Variants in UBR4 observed in about 807,000 individuals in gnomAD.
UBR4 encodes ubiquitin protein ligase E3 component n-recognin 4.
UBR4 carries 124 observed loss-of-function variants against 575.6 expected under a neutral mutation model. The ratio of observed to expected loss-of-function variants is 0.22; its 90% CI spans 0.19 to 0.25. UBR4 has a LOEUF of 0.25. UBR4 is among the 10% of genes least tolerant of loss of function. The probability of loss-of-function intolerance (pLI) is 1.00; values close to 1 mark genes in which losing one functional copy is unlikely to be tolerated. For missense variants in UBR4, 4,818 were observed against 6,478.8 expected (o/e 0.74, Z 8.80); for synonymous variants, 2,455 against 2,473.7 (o/e 0.99, Z 0.22).
rs369560600 is a variant in UBR4 at position 19,169,536 on chromosome 1, G to T, written c.3644-4C>A. On this transcript the variant is annotated splice_region_variant and splice_polypyrimidine_tract_variant and intron_variant, in intron 26 of 105. Coordinates refer to ENST00000375254, the MANE Select transcript of UBR4 (RefSeq NM_020765.3). ...AAATTCTGAACCAGTGTCGGACCTG[G>T]AGGCGACAGAAAGGACAAGGAATCA... The T allele has an allele frequency of 1.6e-5, 25 of 1,611,934 alleles. No individual in the cohort carries two copies. In the African/African-American group the frequency reaches 3.1e-4, roughly 20 times the overall value.
rs760075239 is a variant in UBR4 at position 19,086,131 on chromosome 1, T to C, written c.14813+14A>G. The C allele has an allele frequency of 6.2e-6, 10 of 1,613,100 alleles. No individual in the cohort carries two copies. The Middle Eastern group carries it at 8.2e-4, about 133-fold the overall frequency. The stretch of plus-strand genomic sequence containing the variant: ...ATCCCCTCCATTCCACCATGAAAAA[T>C]ACTCAACACTCACCTTGCCAAGCAA... On this transcript the variant is annotated intron_variant, in intron 101 of 105. Transcript: ENST00000375254.
intron 92 of UBR4, among the ~76,000 whole-genome samples, chr1:19,096,243 C>T (rs2078028481): frequency 6.6e-6 from 1 of 152,090 alleles, no homozygotes; most frequent in African/African-American, 2.4e-5. Flanking sequence ...TTAAAAACAA[C>T]AACAATGATA....
At chr1:19,165,496 C>T (rs2088190060) in intron 30 of UBR4, 147 bp from the exon 31 acceptor site, 1 of 1,043,888 alleles carries the variant, frequency 9.6e-7, no homozygotes, top group African/African-American at 1.6e-5. Flanking sequence ...AACCCCCTCA[C>T]CAACAACCCC....
Position 19,172,893 on chromosome 1 carries a change from T to C in UBR4, c.3492A>G (p.Gln1164=). 3.1e-6 allele frequency: 5 copies of C among 1,614,074 alleles called. No individual in the cohort carries two copies. The Admixed American group carries it at 5.0e-5, about 16-fold the overall frequency. ...ITKNLLPATL[Q]LIDTYASFTR... Reference sequence around the variant, plus strand: ...TGAACGATGCATAGGTGTCAATGAGTTGCAGCGTGGCTGGAAGTAGGTTCT... The same window carrying C: ...TGAACGATGCATAGGTGTCAATGAGCTGCAGCGTGGCTGGAAGTAGGTTCT... The change falls in exon 25 of 106, where the codon CAA becomes CAG. Residue 1164 remains glutamine, a synonymous_variant. Coordinates refer to ENST00000375254, the MANE Select transcript of UBR4 (RefSeq NM_020765.3).
chr1:19,163,997 G>A (rs555720333), intron 33 of UBR4, among the ~76,000 whole-genome samples, 170 bp from the exon 34 acceptor site: 23 of 152,220 alleles, frequency 1.5e-4, no homozygotes, highest in African/African-American at 4.6e-4. Flanking sequence ...GGGTGCTCTG[G>A]CCTTAGAATT....
chr1:19,154,987 T>C lies in UBR4; in HGVS notation c.6389A>G (p.Lys2130Arg), dbSNP rs2086251029. 1.2e-6 allele frequency: 2 copies of C among 1,614,170 alleles called. No homozygotes were observed. The highest frequency in any genetic ancestry group is 4.5e-5 in the East Asian group (2 of 44,886). The change falls in exon 44 of 106, where the codon AAA (lysine) becomes AGA (arginine). Residue 2130 changes from lysine to arginine, a missense_variant. Lys to Arg is a conservative substitution (Grantham distance 26, BLOSUM62 2). Transcript: ENST00000375254. ...QMLFFSYCQG[K>R]SFAATISRTT... The stretch of plus-strand genomic sequence containing the variant: ...CCTGCTGATGGTGGCTGCGAATGAT[T>C]TGCCTTGACAATAGCTGAAGAACAA...
intron 86 of UBR4, 149 bp downstream of exon 86, chr1:19,104,436 C>T (rs945418973): frequency 1.8e-5 from 20 of 1,129,988 alleles, no homozygotes; most frequent in Non-Finnish European, 2.4e-5. Context: ...AAATCATAAA[C>T]GTATCAATAC....
chr1:19,137,987 G>C lies in UBR4; in HGVS notation c.8906+20C>G, dbSNP rs1178003567. The C allele has an allele frequency of 6.8e-6, 10 of 1,473,066 alleles. No individual in the cohort carries two copies. Among genetic ancestry groups the C allele is most frequent in the Non-Finnish European group, 9.1e-6 (10 of 1,102,274 alleles). The allele number at this position is 1,473,066 out of a possible 1,614,324, so 91.2% of individuals were successfully genotyped here. On this transcript the variant is annotated intron_variant, in intron 60 of 105. Transcript: ENST00000375254. ...TCTCAGATAGGCAAGCCTCTTAACT[G>C]TGAAGGACTAGGTCTTGACCTGTTG...
rs1159078852 is a variant in UBR4 at position 19,100,235 on chromosome 1, TA to T, written c.13221+140del. The T allele has an allele frequency of 1.2e-6, 1 of 835,350 alleles. No individual in the cohort carries two copies. The highest frequency in any genetic ancestry group is 1.7e-5 in the African/African-American group (1 of 59,064). The allele number at this position is 835,350 out of a possible 1,614,324, so 51.7% of individuals were successfully genotyped here. A position where few individuals can be genotyped will look rare whatever the true frequency, so the allele number is the denominator to read the frequency against. ...GGTGAGGTAGAAAGGTGGGAATCATTAACCCCAACTTACAGAGTGGAGAAAC... is the reference window on the plus strand; with the variant it reads ...GGTGAGGTAGAAAGGTGGGAATCATTACCCCAACTTACAGAGTGGAGAAAC... On this transcript the variant is annotated intron_variant, in intron 89 of 105. Transcript: ENST00000375254. This position sits in a 1 kb window ranked among gnomAD's most constrained non-coding sequence, Gnocchi z 4.2.
intron 17 of UBR4, among the ~76,000 whole-genome samples, chr1:19,183,011 T>C (rs1407889639): frequency 6.6e-5 from 10 of 152,178 alleles, no homozygotes; most frequent in African/African-American, 2.4e-5. Flanking sequence ...AACCATAAGA[T>C]TGGAAGTTCA....
rs1160085842 is a variant in UBR4 at position 19,150,650 on chromosome 1, G to T, written c.7357C>A (p.Leu2453Met). 6.2e-7 allele frequency: 1 copy of T among 1,614,150 alleles called. No individual in the cohort carries two copies. Among genetic ancestry groups the T allele is most frequent in the Admixed American group, 1.7e-5 (1 of 60,026 alleles). The change falls in exon 49 of 106, where the codon CTG (leucine) becomes ATG (methionine). Residue 2453 changes from leucine (L) to methionine (M), a missense_variant. Coordinates refer to ENST00000375254, the MANE Select transcript of UBR4 (RefSeq NM_020765.3). Reference protein sequence around the residue: ...ASVSNICPSNLNQSNGTGDSD... With the variant: ...ASVSNICPSNMNQSNGTGDSD... Reference sequence around the variant, plus strand: ...TCTCCAGTGCCGTTGCTCTGGTTCAGATTTGAAGGGCAGATGTTGCTGACA... The same window carrying T: ...TCTCCAGTGCCGTTGCTCTGGTTCATATTTGAAGGGCAGATGTTGCTGACA...
intron 19 of UBR4, 40 bp from the exon 20 acceptor site, chr1:19,176,767 G>C: frequency 1.9e-6 from 3 of 1,604,894 alleles, no homozygotes; most frequent in Non-Finnish European, 2.6e-6. Flanking sequence ...AAGATACACA[G>C]TCACCATTCA....
At chr1:19,208,736 G>A (rs192441606) in intron 1 of UBR4, among the ~76,000 whole-genome samples, 7 of 152,242 alleles carry the variant, frequency 4.6e-5, no homozygotes, top group Non-Finnish European at 8.8e-5. Context: ...ATTTATGGAA[G>A]GGTGTCAACA....
chr1:19,177,761 TG>T lies in UBR4; in HGVS notation c.2355-19del. On this transcript the variant is annotated intron_variant, in intron 18 of 105. Coordinates refer to ENST00000375254, the MANE Select transcript of UBR4 (RefSeq NM_020765.3). ...ACAAAAACCTACCAGAGAGAAAAGATGACTATATCTGGTGGGAAAAAGAGCA... is the reference window on the plus strand; with the variant it reads ...ACAAAAACCTACCAGAGAGAAAAGATACTATATCTGGTGGGAAAAAGAGCA... The T allele has an allele frequency of 6.2e-7, 1 of 1,606,198 alleles. No homozygotes were observed. Among genetic ancestry groups the T allele is most frequent in the Non-Finnish European group, 8.5e-7 (1 of 1,175,988 alleles).
At chr1:19,112,232 A>C (rs1334828803) in intron 78 of UBR4, 1 of 368,464 alleles carries the variant, frequency 2.7e-6, no homozygotes. Context: ...TCTCGAGTTC[A>C]AGTGTCTCCC....
In UBR4 at chr1:19,121,945, A is replaced by G; in HGVS notation, c.9884T>C (p.Ile3295Thr). The G allele has an allele frequency of 1.2e-6, 2 of 1,614,210 alleles. No homozygotes were observed. Among genetic ancestry groups the G allele is most frequent in the Non-Finnish European group, 1.7e-6 (2 of 1,180,026 alleles). The change falls in exon 67 of 106, where the codon ATC (isoleucine) becomes ACC (threonine). Residue 3295 changes from isoleucine to threonine, a missense_variant. Physicochemically the swap from Ile to Thr is moderately conservative, Grantham distance 89. This residue lies in a region of UBR4 where 550 missense variants were observed against 791.5 expected (regional missense o/e 0.69). Transcript: ENST00000375254. ...GCAGCATTGCTTACAGTCATCTTTG[A>G]TGCAGAATTTCTGCCAGTTGATGGT... ...QRTINWQKFCIKDDSVLYFLL... is the reference protein window; with the variant it reads ...QRTINWQKFCTKDDSVLYFLL...
At chr1:19,101,998 T>C (rs980316726) in intron 87 of UBR4, among the ~76,000 whole-genome samples, 1 of 152,198 alleles carries the variant, frequency 6.6e-6, no homozygotes, top group Non-Finnish European at 1.5e-5. Flanking sequence ...TAATCCTGTG[T>C]TCCAGTCAAA....
At chr1:19,154,354 A>C (rs891999615) in intron 44 of UBR4, among the ~76,000 whole-genome samples, 5 of 152,244 alleles carry the variant, frequency 3.3e-5, no homozygotes, top group African/African-American at 1.2e-4. Context: ...GTCTGAGAGA[A>C]AGTGCTACAA....
chr1:19,172,271 C>T (rs555260558), intron 25 of UBR4, among the ~76,000 whole-genome samples: 1 of 151,756 alleles, frequency 6.6e-6, no homozygotes, highest in Non-Finnish European at 1.5e-5. Context: ...AATCCCAGCA[C>T]TTTGGGAGGC....
Sources: allele counts gnomAD v4.1 joint callset (sites outside exome capture counted in the v4.1 genomes callset), GRCh38; gene constraint gnomAD v4.1.1; regional missense constraint gnomAD v4.1.1; non-coding constraint Gnocchi (gnomAD v3.1); transcripts MANE v1.5; gene names NCBI Gene and HGNC (gene_info 2026-07-23, HGNC 2026-07-21).